Variants in NCKAP5 observed in about 807,000 individuals in gnomAD.
NCKAP5 encodes NCK associated protein 5.
In NCKAP5, 92 loss-of-function variants were observed where a neutral mutation model predicts 167.0. The ratio of observed to expected loss-of-function variants is 0.55; its 90% CI spans 0.47 to 0.66. The LOEUF (loss-of-function observed/expected upper bound fraction) is 0.66. Ranked by LOEUF, NCKAP5 falls within the 30% of genes least tolerant of loss-of-function variation. The probability of loss-of-function intolerance (pLI) is 0.00; values close to 1 mark genes in which losing one functional copy is unlikely to be tolerated. For missense variants in NCKAP5, 2,378 were observed against 2,315.0 expected (o/e 1.03, Z -0.56); for synonymous variants, 891 against 877.4 (o/e 1.02, Z -0.27).
intron 8 of NCKAP5, among the ~76,000 whole-genome samples, chr2:132,935,828 C>G (rs1050394100): frequency 6.6e-6 from 1 of 152,084 alleles, no homozygotes; most frequent in Admixed American, 6.5e-5. Context: ...ACAAGCTACA[C>G]ATGATGTGGT....
At chr2:132,822,923 A>G (rs1574334147) in intron 11 of NCKAP5, among the ~76,000 whole-genome samples, 1 of 152,218 alleles carries the variant, frequency 6.6e-6, no homozygotes, top group East Asian at 1.9e-4. Context: ...GGAGAGTTTC[A>G]ACAATAGACT....
intron 16 of NCKAP5, among the ~76,000 whole-genome samples, chr2:132,746,939 G>A (rs1170256273): frequency 6.6e-6 from 1 of 152,052 alleles, no homozygotes; most frequent in East Asian, 1.9e-4. Context: ...CTGATATAAA[G>A]CAGACCAGTG....
At chr2:133,604,899 C>G in the NCKAP5 span, among the ~76,000 whole-genome samples, 1 of 152,100 alleles carries the variant, frequency 6.6e-6, no homozygotes, top group Admixed American at 6.5e-5. Flanking sequence ...GTCTAAGAAG[C>G]CCCCCTACTC....
At chr2:133,341,082 C>T (rs182989148) in intron 3 of NCKAP5, among the ~76,000 whole-genome samples, 129 of 152,056 alleles carry the variant, frequency 8.5e-4, no homozygotes, top group African/African-American at 3.0e-3. Flanking sequence ...TTCTATTTAC[C>T]TGTGAATGAA....
intron 3 of NCKAP5, among the ~76,000 whole-genome samples, chr2:133,430,474 T>C (rs1419947520): frequency 6.6e-6 from 1 of 152,150 alleles, no homozygotes; most frequent in Non-Finnish European, 1.5e-5. Context: ...GAGTATTTCC[T>C]AGGTTTTCTT....
At chr2:132,789,406 T>G (rs1683866352) in intron 13 of NCKAP5, among the ~76,000 whole-genome samples, 1 of 152,036 alleles carries the variant, frequency 6.6e-6, no homozygotes, top group Non-Finnish European at 1.5e-5. Flanking sequence ...AATGCAACCT[T>G]GAGATCTTCT....
chr2:133,657,429 C>A, the NCKAP5 span, among the ~76,000 whole-genome samples: 4 of 152,220 alleles, frequency 2.6e-5, no homozygotes, highest in African/African-American at 9.6e-5. Flanking sequence ...AGCATGCAAC[C>A]TTTGCGAATA....
At chr2:133,344,015 G>A (rs1407634763) in intron 3 of NCKAP5, among the ~76,000 whole-genome samples, 1 of 152,196 alleles carries the variant, frequency 6.6e-6, no homozygotes, top group Admixed American at 6.5e-5. Flanking sequence ...GTTGGGTAAG[G>A]GGCCAGAGAC....
chr2:133,115,765 A>G (rs1376502301), intron 6 of NCKAP5, among the ~76,000 whole-genome samples: 5 of 88,036 alleles, frequency 5.7e-5, no homozygotes, highest in East Asian at 8.7e-4. Context: ...TGAAGTATAT[A>G]TGTGTGTGTG....
chr2:133,673,677 G>T, the NCKAP5 span, among the ~76,000 whole-genome samples: 1 of 152,180 alleles, frequency 6.6e-6, no homozygotes, highest in Admixed American at 6.5e-5. Flanking sequence ...CCCCTTCTGG[G>T]CCTACCACCG....
chr2:133,405,100 C>A (rs1688340474), intron 3 of NCKAP5, among the ~76,000 whole-genome samples: 1 of 152,138 alleles, frequency 6.6e-6, no homozygotes, highest in Non-Finnish European at 1.5e-5. Flanking sequence ...ATGTCATTGC[C>A]AACATTGAAT....
At chr2:133,661,463 G>A in the NCKAP5 span, among the ~76,000 whole-genome samples, 2 of 152,136 alleles carry the variant, frequency 1.3e-5, no homozygotes, top group African/African-American at 4.8e-5. Flanking sequence ...GCCTTCTTTT[G>A]AGTAACTGAA....
rs70973417 is a variant in NCKAP5, at chr2:133,200,061, CT to C, written c.207+13654del. Among the ~76,000 whole-genome samples the C allele has an allele frequency of 7.5e-3, 824 of 109,366 alleles. 5 individuals carry two copies. The highest frequency in any genetic ancestry group is 0.022 in the African/African-American group (635 of 29,094). The allele number at this position is 109,366 out of a possible 152,430, so 71.7% of individuals were successfully genotyped here. The stretch of plus-strand genomic sequence containing the variant: ...ATCCCAGTTGGCTTTTTTTTTCTTT[CT>C]TTTTTTTTTTTTTTTTTGCAGAAAT... On this transcript the variant is annotated intron_variant, in intron 5 of 19. Coordinates refer to ENST00000409261, the MANE Select transcript of NCKAP5 (RefSeq NM_207363.3).
intron 3 of NCKAP5, among the ~76,000 whole-genome samples, chr2:133,445,668 C>T (rs916631531): frequency 7.9e-5 from 12 of 152,008 alleles, no homozygotes; most frequent in Admixed American, 1.3e-4. Context: ...AATTAAATTG[C>T]GATTCCACCT....
chr2:132,957,954 G>A (rs923649833), intron 8 of NCKAP5, among the ~76,000 whole-genome samples: 42 of 152,104 alleles, frequency 2.8e-4, no homozygotes, highest in African/African-American at 9.4e-4. Context: ...TCTATACTCC[G>A]CTGAACCTAA....
At chr2:133,194,079 C>T (rs773304520) in intron 5 of NCKAP5, among the ~76,000 whole-genome samples, 7 of 151,972 alleles carry the variant, frequency 4.6e-5, no homozygotes, top group African/African-American at 7.2e-5. Flanking sequence ...CATATACACC[C>T]GCATATATGA....
chr2:133,529,626 G>T (rs1685198541), intron 2 of NCKAP5, among the ~76,000 whole-genome samples: 1 of 152,130 alleles, frequency 6.6e-6, no homozygotes. Context: ...AATTTGGTTA[G>T]AAATTGACTA....
chr2:133,210,104 G>A (rs917148011), intron 5 of NCKAP5, among the ~76,000 whole-genome samples: 8 of 151,348 alleles, frequency 5.3e-5, no homozygotes, highest in Admixed American at 2.6e-4. Flanking sequence ...GGCAGAGGTC[G>A]CAGTGAGCCG....
rs184096027 is a variant in NCKAP5 at position 132,798,272 on chromosome 2, G to A, written c.808-1543C>T. 9.9e-5 allele frequency among the ~76,000 whole-genome samples: 15 copies of A among 152,168 alleles called. No homozygotes were observed. The East Asian group carries it at 1.5e-3, about 16-fold the overall frequency. Reference sequence around the variant, plus strand: ...CAATTTATCTCATCTTGCAATCTCCGGAACCCGACAAAATACATCATACTT... The same window carrying A: ...CAATTTATCTCATCTTGCAATCTCCAGAACCCGACAAAATACATCATACTT... On this transcript the variant is annotated intron_variant, in intron 11 of 19. Coordinates refer to ENST00000409261, the MANE Select transcript of NCKAP5 (RefSeq NM_207363.3).
Sources: gnomAD v4.1 joint callset for allele counts (sites outside exome capture counted in the v4.1 genomes callset) on GRCh38, gnomAD v4.1.1 for gene constraint, MANE v1.5 for transcripts, NCBI Gene and HGNC (gene_info 2026-07-23, HGNC 2026-07-21) for gene names.